The following MX1 variants were observed in gnomAD, a reference collection of about 807,000 sequenced individuals.
MX1 encodes the protein MX dynamin like GTPase 1.
In MX1, 66 loss-of-function variants were observed where a neutral mutation model predicts 66.4. That is an observed-to-expected ratio of 0.99 (90% CI 0.82 to 1.22). MX1 has a LOEUF of 1.22. MX1 is among the 50% of genes most tolerant of loss of function. The pLI is 0.00. For synonymous variants in MX1, 311 were observed against 318.1 expected (o/e 0.98, Z 0.24); for missense variants, 787 against 834.3 (o/e 0.94, Z 0.70).
At position 41,446,815 on chromosome 21, in the gene MX1, G is replaced by A. The variant is rs573398166; in HGVS notation, c.1273+674G>A. ...CACTGGGGATTAAGTTTCAACATAG[G>A]AATTTTTAGGGGACACCAACATGTA... On this transcript the variant is annotated intron_variant, in intron 13 of 16. Coordinates refer to ENST00000398598, the MANE Select transcript of MX1 (RefSeq NM_002462.5). Among the ~76,000 whole-genome samples the A allele has an allele frequency of 4.6e-5, 7 of 152,338 alleles. No individual in the cohort carries two copies. In the South Asian group the frequency reaches 1.0e-3, roughly 23 times the overall value.
chr21:41,442,042 CGT>C (rs1491061254), intron 10 of MX1, 128 bp downstream of exon 10: 57 of 742,996 alleles, frequency 7.7e-5, no homozygotes, highest in South Asian at 1.4e-4. Flanking sequence ...TGTGTGTGCG[CGT>C]GTGTGTGTGA....
rs149086745 is a variant in MX1 at position 41,444,727 on chromosome 21, A to T, written c.1009-721A>T. 5.7e-3 allele frequency among the ~76,000 whole-genome samples: 865 copies of T among 152,008 alleles called. 11 individuals carry two copies. The highest frequency in any genetic ancestry group is 0.02 in the African/African-American group (810 of 41,468). ...CCCCACCTCGAGCAAGCCCATGGGG[A>T]TTGATTTTTTGCCTCTGCACCAAGT... On this transcript the variant is annotated intron_variant, in intron 11 of 16. Coordinates refer to ENST00000398598, the MANE Select transcript of MX1 (RefSeq NM_002462.5).
In MX1 at chr21:41,441,047, T is replaced by A; in HGVS notation, c.730+22T>A. ...ATCGGTGAGAGTGGGGGAGCCCCAC[T>A]GTGCTCAGTGAGAATGGGGGAGCCC... is the stretch of plus-strand genomic sequence containing the variant. On this transcript the variant is annotated intron_variant, in intron 9 of 16. Coordinates refer to ENST00000398598, the MANE Select transcript of MX1 (RefSeq NM_002462.5). This position sits in a 1 kb window ranked among gnomAD's most constrained non-coding sequence, Gnocchi z 4.0. The A allele has an allele frequency of 6.2e-7, 1 of 1,607,718 alleles. No homozygotes were observed.
chr21:41,432,409 C>T (rs973762334), intron 5 of MX1, among the ~76,000 whole-genome samples: 7 of 152,192 alleles, frequency 4.6e-5, no homozygotes, highest in South Asian at 2.1e-4. Context: ...GCTGAGCTGT[C>T]GATGGGTTCA....
chr21:41,459,213 C>T (rs1463175588), downstream of MX1: 1 of 172,292 alleles, frequency 5.8e-6, no homozygotes, highest in East Asian at 1.6e-4. Context: ...TTCTAGCAGA[C>T]ACTGCTCTGC....
intron 13 of MX1, among the ~76,000 whole-genome samples, chr21:41,448,251 A>G (rs1194297266): frequency 6.6e-6 from 1 of 152,252 alleles, no homozygotes; most frequent in African/African-American, 2.4e-5. Context: ...GCAGCATCTT[A>G]CACAGTGAAC....
In MX1 at chr21:41,458,782, A is replaced by G; in HGVS notation, c.*24A>G. 1 of 1,599,752 alleles carries G rather than the reference A, an allele frequency of 6.3e-7. No homozygotes were observed. Among genetic ancestry groups the G allele is most frequent in the East Asian group, 2.3e-5 (1 of 44,100 alleles). The stretch of plus-strand genomic sequence containing the variant: ...AACCACACTCTGTCCAGCCCCGTAG[A>G]CGTGCACGCACACTGTCTGCCCCCG... On this transcript the variant is annotated 3_prime_UTR_variant, in exon 17 of 17. Coordinates refer to ENST00000398598, the MANE Select transcript of MX1 (RefSeq NM_002462.5).
chr21:41,437,163 C>G lies in MX1; in HGVS notation c.436+11C>G, dbSNP rs754222844. 33 of 1,613,514 alleles carry G rather than the reference C, an allele frequency of 2.0e-5. No homozygotes were observed. The highest frequency in any genetic ancestry group is 1.4e-4 in the South Asian group (13 of 91,036). On this transcript the variant is annotated intron_variant, in intron 7 of 16. Transcript: ENST00000398598. ...AGGAAATTAATAAAGGTGAGTACCCCCTGTTTGGATGCCTGGTCAAGCCTT... is the reference window on the plus strand; with the variant it reads ...AGGAAATTAATAAAGGTGAGTACCCGCTGTTTGGATGCCTGGTCAAGCCTT...
chr21:41,427,806 G>A lies in MX1; in HGVS notation c.-158G>A, dbSNP rs1191733690. ...ATCGGTTCTGGGTCGGAGGCTACAG[G>A]AAGACTCCCACTCCCTGAAATCTGG... On this transcript the variant is annotated 5_prime_UTR_variant, in exon 3 of 17. Transcript: ENST00000398598. The A allele has an allele frequency of 6.6e-6, 1 of 152,248 alleles. No homozygotes were observed. Among genetic ancestry groups the A allele is most frequent in the Non-Finnish European group, 1.5e-5 (1 of 68,082 alleles). The allele number at this position is 152,248 out of a possible 1,614,324, so 9.4% of individuals were successfully genotyped here. A position where few individuals can be genotyped will look rare whatever the true frequency, so the allele number is the denominator to read the frequency against.
chr21:41,431,434 A>T (rs1298107898), intron 4 of MX1, among the ~76,000 whole-genome samples: 6 of 152,138 alleles, frequency 3.9e-5, no homozygotes, highest in African/African-American at 1.4e-4. Flanking sequence ...TAAAATTATG[A>T]CAGGAGATAG....
At chr21:41,420,943 GAC>G (rs929907718) in intron 1 of MX1, 2 of 152,430 alleles carry the variant, frequency 1.3e-5, no homozygotes, top group African/African-American at 4.8e-5. Flanking sequence ...AAAAGAAAAA[GAC>G]ACAGAGACAA....
At chr21:41,442,826 G>A (rs756032032) in intron 10 of MX1, 1 of 152,226 alleles carries the variant, frequency 6.6e-6, no homozygotes, top group Non-Finnish European at 1.5e-5. Context: ...TGAAGCTTGG[G>A]AACATTCTAC....
Position 41,449,217 on chromosome 21 carries a change from A to G in MX1, c.1354A>G (p.Arg452Gly). ...AGAGCTGCCAGGCTTTGTGAATTAC[A>G]GGACATTTGAGACAATCGTGAAACA... ...GRELPGFVNY[R>G]TFETIVKQQI... The change falls in exon 14 of 17, where the codon AGG becomes GGG. Residue 452 changes from arginine to glycine, a missense_variant. Arg to Gly is a moderately radical substitution (Grantham distance 125). Coordinates refer to ENST00000398598, the MANE Select transcript of MX1 (RefSeq NM_002462.5). The G allele has an allele frequency of 6.2e-7, 1 of 1,614,110 alleles. No individual in the cohort carries two copies. Among genetic ancestry groups the G allele is most frequent in the Non-Finnish European group, 8.5e-7 (1 of 1,180,014 alleles).
chr21:41,452,401 G>A (rs923739223), intron 15 of MX1, among the ~76,000 whole-genome samples: 3 of 152,120 alleles, frequency 2.0e-5, no homozygotes, highest in Non-Finnish European at 2.9e-5. Flanking sequence ...ATGGGGGTCC[G>A]GCCCATCTGT....
chr21:41,428,740 C>T (rs2090133733), intron 3 of MX1: 1 of 152,198 alleles, frequency 6.6e-6, no homozygotes, highest in African/African-American at 2.4e-5. Context: ...AGAAAAACCC[C>T]TTTACTATGA....
chr21:41,455,939 G>A lies in MX1; in HGVS notation c.1759-2589G>A, dbSNP rs969821215. ...CAGGGAAACAGAACCACAGATATAT[G>A]TATGTAAAGAAGTATATTTCAGCCA... On this transcript the variant is annotated intron_variant, in intron 16 of 16. Coordinates refer to ENST00000398598, the MANE Select transcript of MX1 (RefSeq NM_002462.5). 5.9e-5 allele frequency among the ~76,000 whole-genome samples: 9 copies of A among 152,278 alleles called. No individual in the cohort carries two copies. The East Asian group carries it at 1.7e-3, about 29-fold the overall frequency.
Position 41,449,246 on chromosome 21 carries a change from A to T in MX1, c.1383A>T (p.Gln461His). The T allele has an allele frequency of 6.2e-7, 1 of 1,614,052 alleles. No homozygotes were observed. The highest frequency in any genetic ancestry group is 8.5e-7 in the Non-Finnish European group (1 of 1,179,980). ...CATTTGAGACAATCGTGAAACAGCA[A>T]ATCAAGGCACTGGAAGAGCCGGCTG... Reference protein sequence around the residue: ...YRTFETIVKQQIKALEEPAVD... With the variant: ...YRTFETIVKQHIKALEEPAVD... Residue 461 changes from glutamine (Q) to histidine (H), a missense_variant, in exon 14 of 17, where the codon CAA becomes CAT. Coordinates refer to ENST00000398598, the MANE Select transcript of MX1 (RefSeq NM_002462.5).
chr21:41,421,297 G>A (rs2089990674), upstream of MX1: 2 of 152,328 alleles, frequency 1.3e-5, no homozygotes, highest in African/African-American at 4.8e-5. Context: ...ACGTACAATC[G>A]GGTTTTATAC....
chr21:41,445,970 C>T, intron 12 of MX1, 30 bp from the exon 13 acceptor site: 1 of 1,611,622 alleles, frequency 6.2e-7, no homozygotes, highest in Non-Finnish European at 8.5e-7. Context: ...GAAGTCTATC[C>T]ACTTATACTG....
Sources: gnomAD v4.1 joint callset for allele counts (sites outside exome capture counted in the v4.1 genomes callset) on GRCh38, gnomAD v4.1.1 for gene constraint, Gnocchi (gnomAD v3.1) non-coding constraint, MANE v1.5 for transcripts, NCBI Gene and HGNC (gene_info 2026-07-23, HGNC 2026-07-21) for gene names.